The following FGF13 variants were observed in gnomAD, a reference collection of about 807,000 sequenced individuals.
FGF13 encodes fibroblast growth factor 13, also known as fibroblast growth factor homologous factor 2.
FGF13 carries 2 observed loss-of-function variants against 19.5 expected under a neutral mutation model. The ratio of observed to expected loss-of-function variants is 0.10; its 90% CI spans 0.04 to 0.32. The LOEUF (loss-of-function observed/expected upper bound fraction) is 0.32. Among genes scored for constraint, FGF13 ranks in the 10% least tolerant of loss-of-function variants. FGF13 has a pLI of 1.00. For synonymous variants in FGF13, 72 were observed against 76.9 expected, an observed-to-expected ratio of 0.94 and a Z score of 0.33; for missense variants, 113 against 192.7, an observed-to-expected ratio of 0.59 and a Z score of 2.45.
intron 1 of FGF13, among the ~76,000 whole-genome samples, chrX:138,878,133 G>A (rs761665806): frequency 4.8e-4 from 52 of 107,973 alleles, no homozygotes; most frequent in African/African-American, 1.9e-3. Context: ...AGTGTGAAGT[G>A]GTATCTCATT....
chrX:139,094,127 T>G (rs999794971), intron 1 of FGF13, among the ~76,000 whole-genome samples: 3 of 111,600 alleles, frequency 2.7e-5, no homozygotes, highest in Admixed American at 9.5e-5. Context: ...GCCTTTTTGT[T>G]TTTTTAGATG....
chrX:138,761,510 C>A (rs1353077481), intron 3 of FGF13, among the ~76,000 whole-genome samples: 4 of 111,262 alleles, frequency 3.6e-5, no homozygotes, highest in Non-Finnish European at 7.5e-5. Context: ...GGGTTAAAGC[C>A]AGTAGTAAGC....
intron 1 of FGF13, among the ~76,000 whole-genome samples, chrX:139,034,623 C>CAGAA (rs1465333004): frequency 1.8e-5 from 2 of 110,983 alleles, no homozygotes; most frequent in African/African-American, 3.3e-5. Flanking sequence ...GTGGCTTGTT[C>CAGAA]TTCTTATGTG....
chrX:138,737,001 T>G (rs972141002), intron 1 of FGF13, among the ~76,000 whole-genome samples: 9 of 111,076 alleles, frequency 8.1e-5, no homozygotes, highest in Non-Finnish European at 1.3e-4. Flanking sequence ...AAAACAAGAT[T>G]GAAAGGGTAG....
intron 2 of FGF13, among the ~76,000 whole-genome samples, chrX:138,703,872 G>C (rs954982699): frequency 9.0e-6 from 1 of 111,156 alleles, no homozygotes; most frequent in Non-Finnish European, 1.9e-5. Flanking sequence ...GTGCCACCAC[G>C]CCCGGCTAAT....
intron 3 of FGF13, among the ~76,000 whole-genome samples, chrX:138,645,564 G>A (rs2089298122): frequency 8.9e-6 from 1 of 112,096 alleles, no homozygotes; most frequent in Non-Finnish European, 1.9e-5. Flanking sequence ...AAGGCATGGG[G>A]AAGCAGTTAG....
At chrX:139,096,739 G>A (rs760559042) in intron 1 of FGF13, among the ~76,000 whole-genome samples, 24 of 111,935 alleles carry the variant, frequency 2.1e-4, no homozygotes, top group Middle Eastern at 4.7e-3. Context: ...AAAAAGATCA[G>A]TCAATGCTAT....
Position 138,707,267 on chromosome X carries a change from CT to C in FGF13, c.298+1550del, listed in dbSNP as rs770421391. ...TAGGACACAGCACATGAATTATCTA[CT>C]TTTTTTTTATTTCTTTTCAGGAAAC... is the stretch of plus-strand genomic sequence containing the variant. On this transcript the variant is annotated intron_variant, in intron 2 of 4. Transcript: ENST00000315930. Among the ~76,000 whole-genome samples, 145 of 109,991 alleles carry C rather than the reference CT, an allele frequency of 1.3e-3. 1 individual carries two copies. Among genetic ancestry groups the C allele is most frequent in the African/African-American group, 4.5e-3 (137 of 30,243 alleles).
At chrX:138,817,599 A>G (rs1185273264) in intron 3 of FGF13, among the ~76,000 whole-genome samples, 1 of 111,867 alleles carries the variant, frequency 8.9e-6, no homozygotes, top group Admixed American at 9.5e-5. Context: ...GGCAATATGC[A>G]GAGATACTGA....
intron 1 of FGF13, among the ~76,000 whole-genome samples, chrX:139,067,708 C>T (rs1031837425): frequency 4.5e-5 from 5 of 111,966 alleles, no homozygotes; most frequent in African/African-American, 1.6e-4. Context: ...GCCATATATC[C>T]CAAAGTAATT....
chrX:139,169,870 A>G (rs1350041877), intron 1 of FGF13, among the ~76,000 whole-genome samples: 3 of 111,657 alleles, frequency 2.7e-5, no homozygotes, highest in African/African-American at 9.8e-5. Context: ...CTCTCCCAGC[A>G]GCATGGAGGG....
At chrX:139,201,212 G>A (rs766846653) in intron 1 of FGF13, among the ~76,000 whole-genome samples, 1 of 111,931 alleles carries the variant, frequency 8.9e-6, no homozygotes, top group Non-Finnish European at 1.9e-5. Flanking sequence ...CTTAACCTCA[G>A]TGAGTTGAAG....
chrX:139,111,210 C>A (rs1026382789), intron 1 of FGF13, among the ~76,000 whole-genome samples: 1 of 111,796 alleles, frequency 8.9e-6, no homozygotes, highest in Non-Finnish European at 1.9e-5. Flanking sequence ...TACTTTCAGG[C>A]GACCATGAGG....
At chrX:138,773,042 A>T (rs919014838) in intron 3 of FGF13, among the ~76,000 whole-genome samples, 18 of 110,089 alleles carry the variant, frequency 1.6e-4, no homozygotes, top group African/African-American at 5.9e-4. Flanking sequence ...TAGTAAAAAA[A>T]AAAAAATAAA....
At chrX:139,077,906 A>G (rs962834836) in intron 1 of FGF13, among the ~76,000 whole-genome samples, 4 of 111,922 alleles carry the variant, frequency 3.6e-5, no homozygotes, top group Non-Finnish European at 7.5e-5. Flanking sequence ...GAGAAAATAA[A>G]TGATTGCCCA....
At chrX:139,002,164 G>A (rs1341465112) in intron 1 of FGF13, among the ~76,000 whole-genome samples, 3 of 110,406 alleles carry the variant, frequency 2.7e-5, no homozygotes, top group Admixed American at 9.7e-5. Context: ...CACAGGGAGG[G>A]GAACATCACA....
intron 3 of FGF13, among the ~76,000 whole-genome samples, chrX:138,692,876 T>G (rs1259333210): frequency 9.0e-6 from 1 of 111,254 alleles, no homozygotes; most frequent in East Asian, 2.8e-4. Flanking sequence ...TGAAACACTC[T>G]GTTAAATATG....
At chrX:138,835,047 T>C (rs765973130) in intron 3 of FGF13, among the ~76,000 whole-genome samples, 1 of 112,091 alleles carries the variant, frequency 8.9e-6, no homozygotes, top group African/African-American at 3.2e-5. Context: ...GCAGTTATTT[T>C]CCATTTGCTG....
At chrX:139,135,128 G>A (rs777867224) in intron 1 of FGF13, among the ~76,000 whole-genome samples, 2 of 111,744 alleles carry the variant, frequency 1.8e-5, no homozygotes, top group South Asian at 7.4e-4. Context: ...ATTTATCCTT[G>A]AGTCTTACTC....
Sources: allele counts gnomAD v4.1 joint callset (sites outside exome capture counted in the v4.1 genomes callset), GRCh38; gene constraint gnomAD v4.1.1; transcripts MANE v1.5; gene names NCBI Gene and HGNC (gene_info 2026-07-23, HGNC 2026-07-21).